Variants in TMEM132D observed in about 807,000 individuals in gnomAD.
The protein encoded by TMEM132D is mature OL transmembrane protein.
In TMEM132D, 21 loss-of-function variants were observed where a neutral mutation model predicts 62.3. The ratio of observed to expected loss-of-function variants is 0.34; its 90% confidence interval spans 0.24 to 0.49. TMEM132D has a LOEUF of 0.49. Among genes scored for constraint, TMEM132D ranks in the 20% least tolerant of loss-of-function variants. TMEM132D has a pLI of 0.99. For synonymous variants in TMEM132D, 621 were observed against 575.6 expected, an observed-to-expected ratio of 1.08 and a Z score of -1.13; for missense variants, 1,346 against 1,402.8, an observed-to-expected ratio of 0.96 and a Z score of 0.65.
chr12:129,718,250 C>T (rs1033211668), intron 1 of TMEM132D, among the ~76,000 whole-genome samples: 1 of 152,312 alleles, frequency 6.6e-6, no homozygotes, highest in African/African-American at 2.4e-5. Flanking sequence ...GGCAAAGTGG[C>T]CAGGCTGGGT....
chr12:129,267,146 G>C (rs1187765437), intron 4 of TMEM132D, among the ~76,000 whole-genome samples: 1 of 151,892 alleles, frequency 6.6e-6, no homozygotes, highest in Non-Finnish European at 1.5e-5. Context: ...TCTTTGAACA[G>C]GCTCATCTGG....
At chr12:129,797,725 A>G (rs1468345805) in intron 1 of TMEM132D, among the ~76,000 whole-genome samples, 1 of 152,242 alleles carries the variant, frequency 6.6e-6, no homozygotes, top group Non-Finnish European at 1.5e-5. Context: ...GCCAACAGAC[A>G]TGTCCCTGGA....
At chr12:129,302,454 G>C (rs996329095) in intron 4 of TMEM132D, among the ~76,000 whole-genome samples, 9 of 152,216 alleles carry the variant, frequency 5.9e-5, no homozygotes, top group Admixed American at 5.9e-4. Context: ...ATATGTCTCC[G>C]AGGGCTCTCC....
chr12:129,094,135 T>C (rs1314045579), intron 5 of TMEM132D, among the ~76,000 whole-genome samples: 2 of 152,114 alleles, frequency 1.3e-5, no homozygotes, highest in Admixed American at 1.3e-4. Context: ...GGACTTCATG[T>C]CTAAAACACC....
chr12:129,467,645 G>A (rs544746120), intron 3 of TMEM132D, among the ~76,000 whole-genome samples: 1 of 152,162 alleles, frequency 6.6e-6, no homozygotes, highest in Admixed American at 6.5e-5. Context: ...GACATGCCAA[G>A]GTCAAGTCAT....
intron 3 of TMEM132D, among the ~76,000 whole-genome samples, chr12:129,379,109 T>A (rs1392422962): frequency 1.3e-5 from 2 of 152,174 alleles, no homozygotes; most frequent in Admixed American, 1.3e-4. Flanking sequence ...TAATATGTGA[T>A]TTAATGTCAT....
intron 2 of TMEM132D, among the ~76,000 whole-genome samples, chr12:129,595,952 A>G (rs534048900): frequency 1.3e-5 from 2 of 152,326 alleles, no homozygotes; most frequent in African/African-American, 2.4e-5. Context: ...CCACTGACAC[A>G]CTTGGGAAGA....
At chr12:129,538,702 T>C (rs563806550) in intron 2 of TMEM132D, among the ~76,000 whole-genome samples, 14 of 152,356 alleles carry the variant, frequency 9.2e-5, no homozygotes, top group African/African-American at 3.4e-4. Flanking sequence ...CAAAATACCT[T>C]CTTGCACTGT....
At chr12:129,819,867 C>T (rs994060987) in intron 1 of TMEM132D, among the ~76,000 whole-genome samples, 3 of 152,168 alleles carry the variant, frequency 2.0e-5, no homozygotes, top group Non-Finnish European at 4.4e-5. Flanking sequence ...AAAAGTGCTG[C>T]TGCTACCCAA....
intron 2 of TMEM132D, among the ~76,000 whole-genome samples, chr12:129,631,203 A>T (rs1285851651): frequency 6.6e-6 from 1 of 152,210 alleles, no homozygotes; most frequent in African/African-American, 2.4e-5. Flanking sequence ...GCTGTCTGAC[A>T]TCAAGAACTG....
intron 4 of TMEM132D, among the ~76,000 whole-genome samples, chr12:129,238,580 T>C (rs916676296): frequency 6.6e-6 from 1 of 152,248 alleles, no homozygotes; most frequent in East Asian, 1.9e-4. Context: ...TCACGCAGTA[T>C]TTATCTTTCT....
At chr12:129,661,706 C>T (rs1418103946) in intron 2 of TMEM132D, among the ~76,000 whole-genome samples, 3 of 152,136 alleles carry the variant, frequency 2.0e-5, no homozygotes, top group East Asian at 1.9e-4. Flanking sequence ...AAAATACAAG[C>T]GCACTGTCAT....
At chr12:129,690,632 A>G (rs669429) in intron 2 of TMEM132D, among the ~76,000 whole-genome samples, 37,887 of 152,116 alleles carry the variant, frequency 0.25, 5,008 homozygotes, top group Admixed American at 0.33. Context: ...TGGGCTAATT[A>G]TCCAAGAAGT....
At chr12:129,400,344 T>C (rs907575265) in intron 3 of TMEM132D, among the ~76,000 whole-genome samples, 12 of 152,266 alleles carry the variant, frequency 7.9e-5, no homozygotes, top group African/African-American at 2.6e-4. Context: ...TGCCAGTGGG[T>C]TTACAGCGCC....
chr12:129,356,968 C>G (rs570928690), intron 3 of TMEM132D, among the ~76,000 whole-genome samples: 4 of 138,646 alleles, frequency 2.9e-5, no homozygotes, highest in African/African-American at 5.9e-5. Context: ...AGGGCAAGGC[C>G]GGGCCTGATG....
chr12:129,185,761 A>ATCTGTCTGTCTGTCTG (rs11271238), intron 5 of TMEM132D, among the ~76,000 whole-genome samples: 39,409 of 139,630 alleles, frequency 0.28, 5,896 homozygotes, highest in African/African-American at 0.33. Flanking sequence ...TTTATCCATC[A>ATCTGTCTGTCTGTCTG]TCTGTCTGTC....
chr12:129,166,552 G>A (rs980774160), intron 5 of TMEM132D, among the ~76,000 whole-genome samples: 7 of 151,814 alleles, frequency 4.6e-5, no homozygotes, highest in African/African-American at 1.7e-4. Flanking sequence ...GTTAGCCACT[G>A]CTATGTGATT....
At chr12:129,417,325 C>T (rs1235765111) in intron 3 of TMEM132D, among the ~76,000 whole-genome samples, 1 of 152,166 alleles carries the variant, frequency 6.6e-6, no homozygotes, top group Non-Finnish European at 1.5e-5. Flanking sequence ...GTAACCAAAA[C>T]AGGATGATAC....
chr12:129,600,643 G>C (rs1878460633), intron 2 of TMEM132D, among the ~76,000 whole-genome samples: 1 of 152,168 alleles, frequency 6.6e-6, no homozygotes, highest in Non-Finnish European at 1.5e-5. Flanking sequence ...GCATTAGAAG[G>C]CATGAAAATA....
Sources: allele counts gnomAD v4.1 joint callset (sites outside exome capture counted in the v4.1 genomes callset), GRCh38; gene constraint gnomAD v4.1.1; transcripts MANE v1.5; gene names NCBI Gene and HGNC (gene_info 2026-07-23, HGNC 2026-07-21).